Variants in BCCIP observed in about 807,000 individuals in gnomAD.
BCCIP encodes the protein BRCA2 and CDKN1A interacting protein, also known as BRCA2 and CDKN1A-interacting protein.
Under a neutral mutation model 32.8 loss-of-function variants are expected in BCCIP, and 23 were observed. The ratio of observed to expected loss-of-function variants is 0.70; its 90% CI spans 0.51 to 0.99. The LOEUF (loss-of-function observed/expected upper bound fraction) is 0.99. Among genes scored for constraint, BCCIP ranks in the 50% least tolerant of loss-of-function variants. The probability of loss-of-function intolerance (pLI) is 0.00; values close to 1 mark genes in which losing one functional copy is unlikely to be tolerated. For synonymous variants in BCCIP, 144 were observed against 137.6 expected (o/e 1.05, Z -0.33); for missense variants, 378 against 379.8 (o/e 1.00, Z 0.04).
At position 125,836,480 on chromosome 10, in the gene BCCIP, C is replaced by CA. The variant is rs1317842441; in HGVS notation, c.*208dup. On this transcript the variant is annotated 3_prime_UTR_variant, in exon 7 of 7. Transcript: ENST00000278100. ...TGAGTGGTTGATTTAAAAACTTTTC[C>CA]AAGAAGAAGAAAAGCATGGAGTAGT... 7.2e-7 allele frequency: 1 copy of CA among 1,385,664 alleles called. No individual in the cohort carries two copies. The highest frequency in any genetic ancestry group is 1.5e-5 in the African/African-American group (1 of 68,618). The allele number at this position is 1,385,664 out of a possible 1,614,324, so 85.8% of individuals were successfully genotyped here.
chr10:125,838,241 G>A, downstream of BCCIP: 1 of 1,612,054 alleles, frequency 6.2e-7, no homozygotes. Flanking sequence ...TCCTGATGTA[G>A]TTGTTCTCAG....
chr10:125,849,721 T>C (rs920103366), intron 7 of BCCIP, among the ~76,000 whole-genome samples: 5 of 151,904 alleles, frequency 3.3e-5, no homozygotes, highest in South Asian at 2.1e-4. Context: ...ATTCTCCTCT[T>C]AGTACATGTA....
At chr10:125,830,139 T>C (rs933241401) in intron 3 of BCCIP, among the ~76,000 whole-genome samples, 1 of 152,236 alleles carries the variant, frequency 6.6e-6, no homozygotes. Flanking sequence ...GAAACAATGC[T>C]GTGGGCCAGC....
At chr10:125,834,668 G>A (rs1442417068) in intron 6 of BCCIP, among the ~76,000 whole-genome samples, 7 of 151,756 alleles carry the variant, frequency 4.6e-5, no homozygotes, top group South Asian at 2.1e-4. Context: ...AAAATTAGCC[G>A]GGCATGGTGG....
intron 1 of BCCIP, among the ~76,000 whole-genome samples, chr10:125,824,524 G>C (rs955616288): frequency 4.6e-5 from 7 of 152,112 alleles, no homozygotes. Context: ...CCCAAAACCT[G>C]GGGCTTAACT....
Position 125,827,582 on chromosome 10 carries a change from A to C in BCCIP, c.265A>C (p.Thr89Pro). Residue 89 changes from threonine (T) to proline (P), a missense_variant, in exon 3 of 7, where the codon ACT (threonine) becomes CCT (proline). Transcript: ENST00000278100. The stretch of plus-strand genomic sequence containing the variant: ...GCTTTTTCTAAAGGCTCCTGTGAAC[A>C]CTGCAGAACTAACAGATCTCTTAAT... ...QQLFLKAPVNTAELTDLLIQQ... is the reference protein window; with the variant it reads ...QQLFLKAPVNPAELTDLLIQQ... 6.2e-7 allele frequency: 1 copy of C among 1,612,284 alleles called. No homozygotes were observed.
chr10:125,838,978 G>A (rs1854786217), downstream of BCCIP: 1 of 1,607,588 alleles, frequency 6.2e-7, no homozygotes, highest in South Asian at 1.1e-5. Flanking sequence ...AGCCTATGCT[G>A]AGGTGACCCC....
At chr10:125,836,747 A>T (rs1414838010), downstream of BCCIP, 2 of 1,613,988 alleles carry the variant, frequency 1.2e-6, no homozygotes, top group East Asian at 4.5e-5. Flanking sequence ...GCTGTTCCTT[A>T]TTCATTGTTG....
chr10:125,838,819 T>G (rs2134022103), downstream of BCCIP, among the ~76,000 whole-genome samples: 1 of 152,348 alleles, frequency 6.6e-6, no homozygotes, highest in Admixed American at 6.5e-5. Flanking sequence ...AGACTACATA[T>G]TCTGCCTTGG....
downstream of BCCIP, among the ~76,000 whole-genome samples, chr10:125,843,142 A>C (rs896474368): frequency 6.6e-6 from 1 of 152,100 alleles, no homozygotes; most frequent in South Asian, 2.1e-4. Context: ...TTATACCCCA[A>C]AACTGCAGGA....
downstream of BCCIP, among the ~76,000 whole-genome samples, chr10:125,840,614 G>A (rs144838050): frequency 4.8e-3 from 726 of 152,364 alleles, 2 homozygotes; most frequent in Middle Eastern, 0.01. Context: ...GAGTCCTGGA[G>A]CTCTGGAAGT....
At chr10:125,836,885 A>G, downstream of BCCIP, 2 of 1,604,004 alleles carry the variant, frequency 1.2e-6, no homozygotes, top group Non-Finnish European at 1.7e-6. Context: ...AGATGAGATT[A>G]TGAGTGGGGA....
chr10:125,836,623 T>C (rs964141130), downstream of BCCIP: 16 of 1,569,914 alleles, frequency 1.0e-5, no homozygotes, highest in Admixed American at 1.9e-4. Flanking sequence ...GTATCTCCCA[T>C]ATCCAGCAGT....
intron 1 of BCCIP, 161 bp from the exon 2 acceptor site, chr10:125,826,430 C>A: frequency 1.8e-6 from 2 of 1,087,818 alleles, no homozygotes; most frequent in Non-Finnish European, 2.5e-6. Context: ...AACTAGGTTA[C>A]TCTGAGTGTT....
At chr10:125,824,839 C>T (rs1021181196) in intron 1 of BCCIP, among the ~76,000 whole-genome samples, 8 of 152,088 alleles carry the variant, frequency 5.3e-5, no homozygotes, top group Non-Finnish European at 8.8e-5. Flanking sequence ...AATTGAGGGA[C>T]GGAAAGGCAG....
At chr10:125,837,957 C>G (rs1184526713), downstream of BCCIP, among the ~76,000 whole-genome samples, 2 of 152,174 alleles carry the variant, frequency 1.3e-5, no homozygotes, top group Admixed American at 1.3e-4. Context: ...CTCTAGCATT[C>G]TGTCCTTCTT....
chr10:125,846,250 C>A (rs868243864), downstream of BCCIP, among the ~76,000 whole-genome samples: 1 of 152,200 alleles, frequency 6.6e-6, no homozygotes, highest in Non-Finnish European at 1.5e-5. Flanking sequence ...AGACTCTCCC[C>A]ACCCTCATAC....
chr10:125,826,467 T>G, intron 1 of BCCIP, 124 bp from the exon 2 acceptor site: 1 of 1,435,694 alleles, frequency 7.0e-7, no homozygotes, highest in Non-Finnish European at 9.3e-7. Flanking sequence ...TTGTGTCACC[T>G]GAAGAAATAG....
At position 125,827,581 on chromosome 10, in the gene BCCIP, C is replaced by T. The variant is rs994433632; in HGVS notation, c.264C>T (p.Asn88=). 1 of 1,611,760 alleles carries T rather than the reference C, an allele frequency of 6.2e-7. No homozygotes were observed. The highest frequency in any genetic ancestry group is 8.5e-7 in the Non-Finnish European group (1 of 1,178,452). Residue 88 remains asparagine (N), a synonymous_variant, in exon 3 of 7, where the codon AAC becomes AAT. Coordinates refer to ENST00000278100, the MANE Select transcript of BCCIP (RefSeq NM_078468.3). Reference sequence around the variant, plus strand: ...AGCTTTTTCTAAAGGCTCCTGTGAACACTGCAGAACTAACAGATCTCTTAA... The same window carrying T: ...AGCTTTTTCTAAAGGCTCCTGTGAATACTGCAGAACTAACAGATCTCTTAA... The part of the protein sequence containing the change: ...LQQLFLKAPV[N]TAELTDLLIQ...
Sources: gnomAD v4.1 joint callset for allele counts (sites outside exome capture counted in the v4.1 genomes callset) on GRCh38, gnomAD v4.1.1 for gene constraint, MANE v1.5 for transcripts, NCBI Gene and HGNC (gene_info 2026-07-23, HGNC 2026-07-21) for gene names.